Variants in CACNA1B observed in about 807,000 individuals in gnomAD.
The protein encoded by CACNA1B is voltage-dependent N-type calcium channel subunit alpha-1B.
A neutral mutation model predicts 247.2 loss-of-function variants in CACNA1B; 70 were observed. The ratio of observed to expected loss-of-function variants is 0.28; its 90% CI spans 0.23 to 0.35. The LOEUF is 0.35. Among genes scored for constraint, CACNA1B ranks in the 10% least tolerant of loss-of-function variants. CACNA1B has a pLI of 1.00. For synonymous variants in CACNA1B, 1,231 were observed against 1,294.4 expected (o/e 0.95, Z 1.05); for missense variants, 2,367 against 3,197.4 (o/e 0.74, Z 6.26).
chr9:138,011,239 G>C lies in CACNA1B; in HGVS notation c.2160+1162G>C, dbSNP rs1028750361. The stretch of plus-strand genomic sequence containing the variant: ...TGCCTTGGAGCCCGGGGCCCTAGCT[G>C]TCCTGGGTGGGCTGCACTGGAGCGC... On this transcript the variant is annotated intron_variant, in intron 17 of 46. Coordinates refer to ENST00000371372, the MANE Select transcript of CACNA1B (RefSeq NM_000718.4). The surrounding 1 kb of genome is among the most constrained non-coding windows in gnomAD (Gnocchi z 4.2). Among the ~76,000 whole-genome samples the C allele has an allele frequency of 6.6e-6, 1 of 152,228 alleles. No homozygotes were observed. Among genetic ancestry groups the C allele is most frequent in the Non-Finnish European group, 1.5e-5 (1 of 68,032 alleles).
rs73668135 is a variant in CACNA1B, at chr9:137,880,650, G to A, written c.390+1491G>A. 0.017 allele frequency among the ~76,000 whole-genome samples: 2,590 copies of A among 152,264 alleles called. 82 individuals carry two copies. The highest frequency in any genetic ancestry group is 0.059 in the African/African-American group (2,453 of 41,542). On this transcript the variant is annotated intron_variant, in intron 2 of 46. Coordinates refer to ENST00000371372, the MANE Select transcript of CACNA1B (RefSeq NM_000718.4). This position sits in a 1 kb window ranked among gnomAD's most constrained non-coding sequence, Gnocchi z 4.8. ...TGGGGAGGACACTTCTAGGAGTGGC[G>A]AGCTAACCTGTTGGGAAAACTGCAG...
chr9:138,105,825 G>T lies in CACNA1B; in HGVS notation c.5428+18G>T, dbSNP rs201816272. The T allele has an allele frequency of 7.2e-7, 1 of 1,381,882 alleles. No homozygotes were observed. The highest frequency in any genetic ancestry group is 1.0e-6 in the Non-Finnish European group (1 of 996,956). The allele number at this position is 1,381,882 out of a possible 1,614,324, so 85.6% of individuals were successfully genotyped here. A position where few individuals can be genotyped will look rare whatever the true frequency, so the allele number is the denominator to read the frequency against. On this transcript the variant is annotated intron_variant, in intron 39 of 46. Transcript: ENST00000371372. ...GGCCCCAGGTGAGCAAGGCAGCCTC[G>T]GAAGGAGGGCCCTGGACCCAGGGAT...
rs542589512 is a variant in CACNA1B, at chr9:137,919,601, C to T, written c.966+2170C>T. ...TTGGAGAGAGCGAGAGCCCGCCCCTCACCTCCAACCCAGTGAGAGGGACTT... is the reference window on the plus strand; with the variant it reads ...TTGGAGAGAGCGAGAGCCCGCCCCTTACCTCCAACCCAGTGAGAGGGACTT... On this transcript the variant is annotated intron_variant, in intron 6 of 46. Coordinates refer to ENST00000371372, the MANE Select transcript of CACNA1B (RefSeq NM_000718.4). This position sits in a 1 kb window ranked among gnomAD's most constrained non-coding sequence, Gnocchi z 4.6. 2.0e-5 allele frequency among the ~76,000 whole-genome samples: 3 copies of T among 152,352 alleles called. No individual in the cohort carries two copies. Among genetic ancestry groups the T allele is most frequent in the Non-Finnish European group, 4.4e-5 (3 of 68,036 alleles).
intron 40 of CACNA1B, among the ~76,000 whole-genome samples, chr9:138,114,154 G>A (rs1166191969): frequency 1.3e-5 from 2 of 152,178 alleles, no homozygotes; most frequent in African/African-American, 4.8e-5. Context: ...AGGAGTCAGG[G>A]CAGTCAGGAG....
Position 138,058,858 on chromosome 9 carries a change from C to A in CACNA1B, c.4473+125C>A. 1.1e-6 allele frequency: 1 copy of A among 892,574 alleles called. No homozygotes were observed. The highest frequency in any genetic ancestry group is 1.8e-6 in the Non-Finnish European group (1 of 569,500). 55.3% of individuals were successfully genotyped at this position (892,574 alleles called of 1,614,324 possible). ...GCCAAAGCAGTAGTGGCCTTGCATC[C>A]TGGCCAGCATGGGATGCCTGTGGAA... On this transcript the variant is annotated intron_variant, in intron 29 of 46. Transcript: ENST00000371372. This position sits in a 1 kb window ranked among gnomAD's most constrained non-coding sequence, Gnocchi z 4.7.
chr9:137,971,411 G>A lies in CACNA1B; in HGVS notation c.1362G>A (p.Lys454=), dbSNP rs1958146906. The change falls in exon 11 of 47, where the codon AAG becomes AAA. Residue 454 remains lysine, a synonymous_variant. Transcript: ENST00000371372. The surrounding 1 kb of genome is among the most constrained non-coding windows in gnomAD (Gnocchi z 4.4). Reference sequence around the variant, plus strand: ...CCCCCTTCGCCCGCGCCAGCCTCAAGAGCGGGAAGACAGAGAGCTCGTCAT... The same window carrying A: ...CCCCCTTCGCCCGCGCCAGCCTCAAAAGCGGGAAGACAGAGAGCTCGTCAT... ...VGSPFARASL[K]SGKTESSSYF... is the part of the protein sequence containing the mutation. The A allele has an allele frequency of 6.8e-6, 11 of 1,613,298 alleles. No homozygotes were observed. Among genetic ancestry groups the A allele is most frequent in the Non-Finnish European group, 9.3e-6 (11 of 1,179,606 alleles).
intron 20 of CACNA1B, among the ~76,000 whole-genome samples, chr9:138,043,255 G>A (rs949672929): frequency 6.6e-6 from 1 of 152,130 alleles, no homozygotes; most frequent in African/African-American, 2.4e-5. Context: ...GGTCCCCCTG[G>A]GAAGGGCGTC....
At position 137,955,731 on chromosome 9, in the gene CACNA1B, C is replaced by T. The variant is rs745508445; in HGVS notation, c.1104C>T (p.Asn368=). The change falls in exon 8 of 47, where the codon AAC becomes AAT. Residue 368 remains asparagine, a synonymous_variant. Coordinates refer to ENST00000371372, the MANE Select transcript of CACNA1B (RefSeq NM_000718.4). This position sits in a 1 kb window ranked among gnomAD's most constrained non-coding sequence, Gnocchi z 6.9. ...CCAAGGAGCGAGAGAGGGTGGAGAA[C>T]CGCCGCGCCTTCCTGAAGCTGCGCC... is the stretch of plus-strand genomic sequence containing the variant. ...EFAKERERVE[N]RRAFLKLRRQ... 3.7e-6 allele frequency: 6 copies of T among 1,612,784 alleles called. No homozygotes were observed. The South Asian group carries it at 5.5e-5, about 15-fold the overall frequency.
At chr9:138,099,813 T>C (rs1961193743) in intron 37 of CACNA1B, among the ~76,000 whole-genome samples, 1 of 152,262 alleles carries the variant, frequency 6.6e-6, no homozygotes, top group Non-Finnish European at 1.5e-5. Context: ...CCAGCCTTCC[T>C]ATTGTTGTTG....
Position 138,014,469 on chromosome 9 carries a change from A to G in CACNA1B, c.2267+1234A>G, listed in dbSNP as rs1958765611. Among the ~76,000 whole-genome samples the G allele has an allele frequency of 6.6e-6, 1 of 152,086 alleles. No individual in the cohort carries two copies. Among genetic ancestry groups the G allele is most frequent in the Admixed American group, 6.6e-5 (1 of 15,264 alleles). On this transcript the variant is annotated intron_variant, in intron 18 of 46. Transcript: ENST00000371372. This position sits in a 1 kb window ranked among gnomAD's most constrained non-coding sequence, Gnocchi z 6.2. Reference sequence around the variant, plus strand: ...CTGCAGGGGAACTTGGCAGCTGTGGACACGGTGGCCATCACGCAGAAGACT... The same window carrying G: ...CTGCAGGGGAACTTGGCAGCTGTGGGCACGGTGGCCATCACGCAGAAGACT...
chr9:138,074,478 T>G (rs1279336493), intron 34 of CACNA1B, among the ~76,000 whole-genome samples: 1 of 152,216 alleles, frequency 6.6e-6, no homozygotes, highest in Non-Finnish European at 1.5e-5. Context: ...TGACCTCAAG[T>G]GATCCACCTG....
At chr9:137,976,278 T>C (rs987639757) in intron 12 of CACNA1B, among the ~76,000 whole-genome samples, 1 of 152,236 alleles carries the variant, frequency 6.6e-6, no homozygotes, top group African/African-American at 2.4e-5. Flanking sequence ...TGTCCATAGA[T>C]TTTCATAATC....
Position 137,893,231 on chromosome 9 carries a change from C to CT in CACNA1B, c.530+10366dup, listed in dbSNP as rs5901127. On this transcript the variant is annotated intron_variant, in intron 3 of 46. Coordinates refer to ENST00000371372, the MANE Select transcript of CACNA1B (RefSeq NM_000718.4). Reference sequence around the variant, plus strand: ...GTAAAAGAAAAAATAAAAGCTGGCCCTTTTTTTTTTTTTTTTTTAAAGCTG... The same window carrying CT: ...GTAAAAGAAAAAATAAAAGCTGGCCCTTTTTTTTTTTTTTTTTTTAAAGCTG... 3.3e-3 allele frequency among the ~76,000 whole-genome samples: 445 copies of CT among 136,768 alleles called. 3 individuals are homozygous for CT. Among genetic ancestry groups the CT allele is most frequent in the African/African-American group, 5.0e-3 (183 of 36,936 alleles). 89.7% of individuals were successfully genotyped at this position (136,768 alleles called of 152,430 possible). A position where few individuals can be genotyped will look rare whatever the true frequency, so the allele number is the denominator to read the frequency against.
intron 31 of CACNA1B, among the ~76,000 whole-genome samples, chr9:138,063,914 T>A (rs1345593159): frequency 6.6e-6 from 1 of 152,104 alleles, no homozygotes; most frequent in African/African-American, 2.4e-5. Flanking sequence ...GGCTGGGGGG[T>A]GTCGGTGTTG....
chr9:138,023,779 C>G lies in CACNA1B; in HGVS notation c.3036C>G (p.Asp1012Glu). Residue 1012 changes from aspartate (D) to glutamate (E), a missense_variant, in exon 19 of 47, where the codon GAC becomes GAG. By Grantham distance (45) the Asp-to-Glu change is conservative. Transcript: ENST00000371372. ...AGGAGGCTGAGATAGTGGAAGCCGACAAGGAAAAGGAGCTCCGGAACCACC... is the reference window on the plus strand; with the variant it reads ...AGGAGGCTGAGATAGTGGAAGCCGAGAAGGAAAAGGAGCTCCGGAACCACC... ...TEKEAEIVEA[D>E]KEKELRNHQP... The G allele has an allele frequency of 6.7e-7, 1 of 1,495,938 alleles. No homozygotes were observed. The highest frequency in any genetic ancestry group is 9.1e-7 in the Non-Finnish European group (1 of 1,098,480). 92.7% of individuals were successfully genotyped at this position (1,495,938 alleles called of 1,614,324 possible).
At chr9:137,932,601 C>T (rs139649347) in intron 6 of CACNA1B, among the ~76,000 whole-genome samples, 2,506 of 152,256 alleles carry the variant, frequency 0.016, 54 homozygotes, top group African/African-American at 0.053. Flanking sequence ...GTTCTCTTTT[C>T]CCAGTGGAGG....
rs1008884098 is a variant in CACNA1B, at chr9:137,954,038, C to T, written c.1071-1660C>T. On this transcript the variant is annotated intron_variant, in intron 7 of 46. Coordinates refer to ENST00000371372, the MANE Select transcript of CACNA1B (RefSeq NM_000718.4). The surrounding 1 kb of genome is among the most constrained non-coding windows in gnomAD (Gnocchi z 4.1). ...ATAGCCTGAGGGGCTGGAGGGGAGG[C>T]CCAAGGCAGGGCCTGCACGGTATTT... Among the ~76,000 whole-genome samples, 6 of 152,166 alleles carry T rather than the reference C, an allele frequency of 3.9e-5. No individual in the cohort carries two copies. In the East Asian group the frequency reaches 1.2e-3, roughly 29 times the overall value.
Position 137,983,043 on chromosome 9 carries a change from G to C in CACNA1B, c.1657-1095G>C, listed in dbSNP as rs116470146. The stretch of plus-strand genomic sequence containing the variant: ...GGAAGTCTCTAGAGATGTACCACAG[G>C]GCTCTGTCTTAGCATATTCATCGTT... On this transcript the variant is annotated intron_variant, in intron 12 of 46. Coordinates refer to ENST00000371372, the MANE Select transcript of CACNA1B (RefSeq NM_000718.4). 8.0e-3 allele frequency among the ~76,000 whole-genome samples: 1,222 copies of C among 152,236 alleles called. 14 individuals are homozygous for C. Among genetic ancestry groups the C allele is most frequent in the African/African-American group, 0.028 (1,175 of 41,524 alleles).
At position 138,124,077 on chromosome 9, in the gene CACNA1B, T is replaced by C. The variant is rs996927355; in HGVS notation, c.*2078T>C. 1.3e-5 allele frequency: 2 copies of C among 152,194 alleles called. No individual in the cohort carries two copies. The highest frequency in any genetic ancestry group is 4.8e-5 in the African/African-American group (2 of 41,436). 9.4% of individuals were successfully genotyped at this position (152,194 alleles called of 1,614,324 possible). A position where few individuals can be genotyped will look rare whatever the true frequency, so the allele number is the denominator to read the frequency against. Reference sequence around the variant, plus strand: ...TCTAGGCATTGGAATTGATGAAAACTACAGGGAGCGGGGAAAGGAGACATT... The same window carrying C: ...TCTAGGCATTGGAATTGATGAAAACCACAGGGAGCGGGGAAAGGAGACATT... On this transcript the variant is annotated 3_prime_UTR_variant, in exon 47 of 47. Transcript: ENST00000371372.
Sources: gnomAD v4.1 joint callset for allele counts (sites outside exome capture counted in the v4.1 genomes callset) on GRCh38, gnomAD v4.1.1 for gene constraint, Gnocchi (gnomAD v3.1) non-coding constraint, MANE v1.5 for transcripts, NCBI Gene and HGNC (gene_info 2026-07-23, HGNC 2026-07-21) for gene names.